The following SH2D3C variants were observed in gnomAD, a reference collection of about 807,000 sequenced individuals.
SH2D3C encodes SH2 domain containing 3C, also known as SH2 domain-containing protein 3C.
Under a neutral mutation model 75.2 loss-of-function variants are expected in SH2D3C, and 25 were observed. The ratio of observed to expected loss-of-function variants is 0.33; its 90% CI spans 0.24 to 0.46. The LOEUF is 0.46. Among genes scored for constraint, SH2D3C ranks in the 20% least tolerant of loss-of-function variants. The probability of loss-of-function intolerance (pLI) is 1.00; values close to 1 mark genes in which losing one functional copy is unlikely to be tolerated. For synonymous variants in SH2D3C, 450 were observed against 473.7 expected, an observed-to-expected ratio of 0.95 and a Z score of 0.65; for missense variants, 933 against 1,165.3, an observed-to-expected ratio of 0.80 and a Z score of 2.90.
At position 127,749,591 on chromosome 9, in the gene SH2D3C, C is replaced by A. The variant is rs1162048154; in HGVS notation, c.759G>T (p.Val253=). 2 of 1,604,322 alleles carry A rather than the reference C, an allele frequency of 1.2e-6. No individual in the cohort carries two copies. Among genetic ancestry groups the A allele is most frequent in the African/African-American group, 2.7e-5 (2 of 74,748 alleles). ...RDSLTSLGDY[V]LTCRWRNQAL... ...CCTGGTTGCGCCAGCGGCACGTGAG[C>A]ACATAGTCGCCCAGGCTGGTGAGTG... is the stretch of plus-strand genomic sequence containing the variant. Residue 253 remains valine (V), a synonymous_variant, in exon 5 of 12, where the codon GTG becomes GTT. Coordinates refer to ENST00000314830, the MANE Select transcript of SH2D3C (RefSeq NM_170600.3). The surrounding 1 kb of genome is among the most constrained non-coding windows in gnomAD (Gnocchi z 5.9).
chr9:127,758,663 T>C (rs1204547736), intron 3 of SH2D3C, among the ~76,000 whole-genome samples: 1 of 152,214 alleles, frequency 6.6e-6, no homozygotes, highest in Admixed American at 6.5e-5. Flanking sequence ...CACTCCTGCC[T>C]CTGCCAGGGC....
In SH2D3C at chr9:127,749,152, T is replaced by C; in HGVS notation, c.1139+59A>G. The C allele has an allele frequency of 7.9e-7, 1 of 1,269,512 alleles. No individual in the cohort carries two copies. Among genetic ancestry groups the C allele is most frequent in the East Asian group, 2.3e-5 (1 of 43,018 alleles). The allele number at this position is 1,269,512 out of a possible 1,614,324, so 78.6% of individuals were successfully genotyped here. On this transcript the variant is annotated intron_variant, in intron 5 of 11. Coordinates refer to ENST00000314830, the MANE Select transcript of SH2D3C (RefSeq NM_170600.3). This position sits in a 1 kb window ranked among gnomAD's most constrained non-coding sequence, Gnocchi z 5.9. Reference sequence around the variant, plus strand: ...CATTTCAGTGTACCTAGGCCTTCTCTTTCTCACTAGCCCTCTCATTACCCA... The same window carrying C: ...CATTTCAGTGTACCTAGGCCTTCTCCTTCTCACTAGCCCTCTCATTACCCA...
At chr9:127,771,237 C>T in intron 2 of SH2D3C, 3 of 1,544,744 alleles carry the variant, frequency 1.9e-6, no homozygotes, top group Non-Finnish European at 2.6e-6. Context: ...CATGCTTCCC[C>T]CGCTGTCGCC....
intron 6 of SH2D3C, 115 bp downstream of exon 6, chr9:127,747,032 T>A (rs775683982): frequency 5.8e-5 from 59 of 1,010,514 alleles, no homozygotes; most frequent in Non-Finnish European, 7.9e-5. Context: ...GTTCTTTCTC[T>A]TGGTAAAGGT....
chr9:127,764,016 C>A (rs193041476), intron 2 of SH2D3C, among the ~76,000 whole-genome samples: 27 of 152,312 alleles, frequency 1.8e-4, no homozygotes, highest in African/African-American at 6.3e-4. Flanking sequence ...GCATCCCATC[C>A]CAACATTTCC....
chr9:127,740,925 C>G (rs1844836784), intron 9 of SH2D3C, among the ~76,000 whole-genome samples: 1 of 152,234 alleles, frequency 6.6e-6, no homozygotes, highest in Admixed American at 6.5e-5. Context: ...TTGTGCTCCA[C>G]CCACCTTGGC....
chr9:127,777,007 T>C (rs1293684315), intron 1 of SH2D3C, among the ~76,000 whole-genome samples: 1 of 151,938 alleles, frequency 6.6e-6, no homozygotes, highest in Non-Finnish European at 1.5e-5. Context: ...TTGGAGGAGA[T>C]AGTGGGGGCT....
chr9:127,775,691 T>C (rs1416418294), intron 1 of SH2D3C, among the ~76,000 whole-genome samples: 1 of 151,964 alleles, frequency 6.6e-6, no homozygotes, highest in Non-Finnish European at 1.5e-5. Context: ...GTGCCTGTAA[T>C]CCCAGCTACT....
chr9:127,754,413 C>T lies in SH2D3C; in HGVS notation c.556-3113G>A, dbSNP rs1419036698. ...GCCCAGCATCCCCTCCAGCTCCCCTCGGCGTCCCAACCCCAAGCAAAGCCA... is the reference window on the plus strand; with the variant it reads ...GCCCAGCATCCCCTCCAGCTCCCCTTGGCGTCCCAACCCCAAGCAAAGCCA... On this transcript the variant is annotated intron_variant, in intron 3 of 11. Coordinates refer to ENST00000314830, the MANE Select transcript of SH2D3C (RefSeq NM_170600.3). This position sits in a 1 kb window ranked among gnomAD's most constrained non-coding sequence, Gnocchi z 4.4. Among the ~76,000 whole-genome samples, 1 of 152,090 alleles carries T rather than the reference C, an allele frequency of 6.6e-6. No individual in the cohort carries two copies. The highest frequency in any genetic ancestry group is 2.4e-5 in the African/African-American group (1 of 41,416).
intron 9 of SH2D3C, 116 bp downstream of exon 9, chr9:127,741,672 C>G: frequency 5.4e-6 from 7 of 1,303,550 alleles, no homozygotes; most frequent in Non-Finnish European, 7.2e-6. Context: ...GTAGTCTCAC[C>G]AATTCTGCCT....
intron 2 of SH2D3C, among the ~76,000 whole-genome samples, chr9:127,762,665 T>C (rs1452098937): frequency 6.6e-6 from 1 of 152,148 alleles, no homozygotes; most frequent in Non-Finnish European, 1.5e-5. Context: ...CCCTCGTGTC[T>C]CCAGTGGAGC....
intron 3 of SH2D3C, among the ~76,000 whole-genome samples, chr9:127,757,806 A>T (rs944296317): frequency 6.6e-6 from 1 of 151,934 alleles, no homozygotes; most frequent in Non-Finnish European, 1.5e-5. Flanking sequence ...GTAGTGTGCC[A>T]CCACGCCTGG....
chr9:127,746,574 G>A (rs937566648), intron 6 of SH2D3C, among the ~76,000 whole-genome samples: 4 of 151,758 alleles, frequency 2.6e-5, no homozygotes, highest in Admixed American at 6.6e-5. Context: ...AGGCTGAGGC[G>A]GGTGGATCAC....
intron 2 of SH2D3C, among the ~76,000 whole-genome samples, chr9:127,763,130 A>G (rs925016973): frequency 6.6e-6 from 1 of 152,140 alleles, no homozygotes; most frequent in Admixed American, 6.5e-5. Context: ...GCTCTTCCCC[A>G]AGGGCTTCAT....
At chr9:127,755,026 C>T (rs1845330310) in intron 3 of SH2D3C, 22 of 900,138 alleles carry the variant, frequency 2.4e-5, no homozygotes, top group Non-Finnish European at 3.1e-5. Flanking sequence ...CCGGGCGGAG[C>T]GGCCGGGGGT....
intron 2 of SH2D3C, among the ~76,000 whole-genome samples, chr9:127,762,622 C>T (rs1417809110): frequency 2.0e-5 from 3 of 152,246 alleles, no homozygotes; most frequent in Admixed American, 2.0e-4. Flanking sequence ...AGAATCCTCT[C>T]CGCATGTCCA....
At chr9:127,753,038 C>A (rs10760495) in intron 3 of SH2D3C, among the ~76,000 whole-genome samples, 45,855 of 151,326 alleles carry the variant, frequency 0.3, 8,117 homozygotes, top group East Asian at 0.65. Context: ...GTCCTACGGG[C>A]AGAGCCAAGG....
At chr9:127,758,062 G>A (rs1845440454) in intron 3 of SH2D3C, among the ~76,000 whole-genome samples, 1 of 152,030 alleles carries the variant, frequency 6.6e-6, no homozygotes, top group African/African-American at 2.4e-5. Context: ...CCAATTCCAA[G>A]GCCCAAGGCC....
Position 127,774,888 on chromosome 9 carries a change from G to A in SH2D3C, c.38-421C>T, listed in dbSNP as rs1373939194. On this transcript the variant is annotated intron_variant, in intron 1 of 11. Coordinates refer to ENST00000314830, the MANE Select transcript of SH2D3C (RefSeq NM_170600.3). The surrounding 1 kb of genome is among the most constrained non-coding windows in gnomAD (Gnocchi z 4.3). The stretch of plus-strand genomic sequence containing the variant: ...GTGGATCACCTGAGGTCAGGAGTTC[G>A]AGACCAGCCTGGACAACATGATGAA... 2.6e-5 allele frequency among the ~76,000 whole-genome samples: 4 copies of A among 152,048 alleles called. No individual in the cohort carries two copies. The highest frequency in any genetic ancestry group is 4.4e-5 in the Non-Finnish European group (3 of 68,002).
Sources: gnomAD v4.1 joint callset for allele counts (sites outside exome capture counted in the v4.1 genomes callset) on GRCh38, gnomAD v4.1.1 for gene constraint, Gnocchi (gnomAD v3.1) non-coding constraint, MANE v1.5 for transcripts, NCBI Gene and HGNC (gene_info 2026-07-23, HGNC 2026-07-21) for gene names.